The following C9 variants were observed in gnomAD, a reference collection of about 807,000 sequenced individuals.
The protein encoded by C9 is complement component C9.
A neutral mutation model predicts 65.4 loss-of-function variants in C9; 63 were observed. The ratio of observed to expected loss-of-function variants is 0.96; its 90% CI spans 0.79 to 1.19. The LOEUF is 1.19. Among genes scored for constraint, C9 ranks in the 50% most tolerant of loss-of-function variants. The pLI, the probability that C9 is intolerant of heterozygous loss-of-function variation, is 0.00. For synonymous variants in C9, 229 were observed against 227.9 expected, an observed-to-expected ratio of 1.00 and a Z score of -0.04; for missense variants, 744 against 670.1, an observed-to-expected ratio of 1.11 and a Z score of -1.22.
intron 5 of C9, among the ~76,000 whole-genome samples, chr5:39,318,679 G>A (rs1191890487): frequency 1.3e-5 from 2 of 152,132 alleles, no homozygotes; most frequent in East Asian, 3.9e-4. Flanking sequence ...TGTCTGGGAA[G>A]GGGACACCTG....
At chr5:39,285,275 G>A in intron 10 of C9, 42 bp from the exon 11 acceptor site, 2 of 1,550,420 alleles carry the variant, frequency 1.3e-6, no homozygotes, top group Non-Finnish European at 1.8e-6. Flanking sequence ...TCATCAATAG[G>A]ATTTTACTTT....
chr5:39,355,945 CT>C (rs1335858126), intron 1 of C9, among the ~76,000 whole-genome samples: 2 of 152,010 alleles, frequency 1.3e-5, no homozygotes, highest in African/African-American at 4.8e-5. Context: ...ACTTAATTAC[CT>C]TTTTAAAGGC....
intron 5 of C9, among the ~76,000 whole-genome samples, chr5:39,325,899 C>T (rs1753741606): frequency 6.6e-6 from 1 of 151,998 alleles, no homozygotes; most frequent in South Asian, 2.1e-4. Flanking sequence ...ATAACTCCAT[C>T]TAATTTCATA....
chr5:39,286,780 C>T (rs950061165), intron 10 of C9, among the ~76,000 whole-genome samples: 21 of 151,808 alleles, frequency 1.4e-4, no homozygotes, highest in Non-Finnish European at 2.9e-4. Flanking sequence ...ACAGAGTTAG[C>T]ATACATTTAT....
intron 5 of C9, 112 bp from the exon 6 acceptor site, chr5:39,316,141 A>C: frequency 1.2e-6 from 1 of 841,192 alleles, no homozygotes; most frequent in Non-Finnish European, 1.9e-6. Context: ...AGTAGAACAA[A>C]GGAGTTAAGA....
intron 1 of C9, among the ~76,000 whole-genome samples, chr5:39,353,151 C>T (rs1323200541): frequency 1.3e-5 from 2 of 152,320 alleles, no homozygotes; most frequent in Non-Finnish European, 2.9e-5. Flanking sequence ...CCAAGAAGCA[C>T]AGGCAGCTGT....
At chr5:39,344,293 C>A (rs1232426926) in intron 1 of C9, among the ~76,000 whole-genome samples, 1 of 152,154 alleles carries the variant, frequency 6.6e-6, no homozygotes, top group Non-Finnish European at 1.5e-5. Flanking sequence ...AGACAAATGG[C>A]TAACTAGAAT....
chr5:39,335,053 C>G (rs1753937102), intron 4 of C9, among the ~76,000 whole-genome samples: 1 of 151,690 alleles, frequency 6.6e-6, no homozygotes, highest in Non-Finnish European at 1.5e-5. Context: ...GACACAAGCT[C>G]TCCACCAGTA....
At chr5:39,317,260 T>C (rs571659780) in intron 5 of C9, among the ~76,000 whole-genome samples, 119 of 152,284 alleles carry the variant, frequency 7.8e-4, no homozygotes, top group African/African-American at 2.7e-3. Context: ...CTTTGTCAGA[T>C]GGATAGATTG....
chr5:39,323,574 A>G (rs1463669387), intron 5 of C9, among the ~76,000 whole-genome samples: 1 of 151,434 alleles, frequency 6.6e-6, no homozygotes, highest in Non-Finnish European at 1.5e-5. Context: ...AAATTATATG[A>G]TCATCTCAAT....
chr5:39,292,239 CAGA>C (rs774835539), intron 9 of C9, among the ~76,000 whole-genome samples: 97 of 151,198 alleles, frequency 6.4e-4, no homozygotes, highest in Non-Finnish European at 8.3e-4. Context: ...ATGCTACAAG[CAGA>C]AGGTCAAAGA....
chr5:39,297,597 TACAAAAAATTCTTA>T (rs1393187030), intron 9 of C9, among the ~76,000 whole-genome samples: 2 of 151,600 alleles, frequency 1.3e-5, no homozygotes, highest in East Asian at 3.9e-4. Context: ...TATATTACCA[TACAAAAAATTCTTA>T]ACAAATAATA....
intron 9 of C9, among the ~76,000 whole-genome samples, chr5:39,297,679 G>A (rs1435267964): frequency 6.6e-6 from 1 of 151,656 alleles, no homozygotes; most frequent in Non-Finnish European, 1.5e-5. Flanking sequence ...TAATCTAAAT[G>A]TGTATGCACC....
intron 10 of C9, among the ~76,000 whole-genome samples, chr5:39,287,866 G>A (rs1387146585): frequency 1.3e-5 from 2 of 151,892 alleles, no homozygotes; most frequent in Non-Finnish European, 2.9e-5. Context: ...AAAATTACCT[G>A]TTGGGTACAA....
At chr5:39,335,596 G>A (rs747746077) in intron 4 of C9, among the ~76,000 whole-genome samples, 1 of 152,174 alleles carries the variant, frequency 6.6e-6, no homozygotes, top group Non-Finnish European at 1.5e-5. Context: ...GAGTACAGGA[G>A]GATGTACATA....
At chr5:39,353,724 A>C (rs1579881222) in intron 1 of C9, among the ~76,000 whole-genome samples, 1 of 152,312 alleles carries the variant, frequency 6.6e-6, no homozygotes, top group African/African-American at 2.4e-5. Flanking sequence ...GTTCAAAACA[A>C]AACAAAACAA....
At chr5:39,314,157 AC>A (rs1482626502) in intron 6 of C9, among the ~76,000 whole-genome samples, 7 of 152,054 alleles carry the variant, frequency 4.6e-5, no homozygotes, top group African/African-American at 1.2e-4. Context: ...TCTATTAAAA[AC>A]CCTCAAGTAG....
rs1314470128 is a variant in C9, at chr5:39,285,102, G to A, written c.*97C>T. 8 of 968,388 alleles carry A rather than the reference G, an allele frequency of 8.3e-6. No homozygotes were observed. Among genetic ancestry groups the A allele is most frequent in the Admixed American group, 1.7e-5 (1 of 58,392 alleles). 60.0% of individuals were successfully genotyped at this position (968,388 alleles called of 1,614,324 possible). ...GGTTGGTAGGATTTTCATGAAGCAT[G>A]TTGCTATTTACTTGGCAGCTAAGAT... On this transcript the variant is annotated 3_prime_UTR_variant, in exon 11 of 11. Coordinates refer to ENST00000263408, the MANE Select transcript of C9 (RefSeq NM_001737.5).
intron 5 of C9, among the ~76,000 whole-genome samples, chr5:39,330,449 C>T (rs1279646700): frequency 6.6e-6 from 1 of 152,180 alleles, no homozygotes; most frequent in Admixed American, 6.5e-5. Flanking sequence ...AAGCTAAGAG[C>T]TGATCACAGT....
Sources: gnomAD v4.1 joint callset for allele counts (sites outside exome capture counted in the v4.1 genomes callset) on GRCh38, gnomAD v4.1.1 for gene constraint, MANE v1.5 for transcripts, NCBI Gene and HGNC (gene_info 2026-07-23, HGNC 2026-07-21) for gene names.